The following SNX4 variants were observed in gnomAD, a reference collection of about 807,000 sequenced individuals.
SNX4 encodes the protein sorting nexin 4.
Under a neutral mutation model 70.8 loss-of-function variants are expected in SNX4, and 49 were observed. The ratio of observed to expected loss-of-function variants is 0.69; its 90% confidence interval spans 0.55 to 0.88. The LOEUF (loss-of-function observed/expected upper bound fraction) is 0.88. Ranked by LOEUF, SNX4 falls within the 40% of genes least tolerant of loss-of-function variation. The pLI, the probability that SNX4 is intolerant of heterozygous loss-of-function variation, is 0.00. For synonymous variants in SNX4, 206 were observed against 183.8 expected, an observed-to-expected ratio of 1.12 and a Z score of -0.98; for missense variants, 528 against 544.8, an observed-to-expected ratio of 0.97 and a Z score of 0.31.
In SNX4 at chr3:125,488,071, AG is replaced by A. The variant is rs1325829975; in HGVS notation, c.653+1336del. On this transcript the variant is annotated intron_variant, in intron 6 of 13. Transcript: ENST00000251775. The stretch of plus-strand genomic sequence containing the variant: ...GGGAGGCTGTGACAGGTCAATGGGG[AG>A]GGGTGTGGAGAGAAGGTATTTGGGA... Among the ~76,000 whole-genome samples, 4 of 146,004 alleles carry A rather than the reference AG, an allele frequency of 2.7e-5. No homozygotes were observed. The Admixed American group carries it at 2.8e-4, about 10-fold the overall frequency.
At chr3:125,481,279 C>T (rs550798889) in intron 6 of SNX4, among the ~76,000 whole-genome samples, 2 of 152,226 alleles carry the variant, frequency 1.3e-5, no homozygotes, top group East Asian at 3.9e-4. Flanking sequence ...TTTGGCAATG[C>T]AACAGCTGAC....
At chr3:125,457,458 G>T (rs7634403) in intron 10 of SNX4, 93 bp from the exon 11 acceptor site, 5 of 869,950 alleles carry the variant, frequency 5.7e-6, no homozygotes, top group South Asian at 1.4e-5. Flanking sequence ...ACAATGTCTC[G>T]CTAGGGCAGA....
chr3:125,505,171 T>C (rs940804687), intron 1 of SNX4, among the ~76,000 whole-genome samples: 2 of 152,198 alleles, frequency 1.3e-5, no homozygotes, highest in East Asian at 3.9e-4. Flanking sequence ...GGTTTCACCA[T>C]GTTGGCCAGG....
At chr3:125,503,900 AAGAT>A (rs149831133) in intron 2 of SNX4, among the ~76,000 whole-genome samples, 7,301 of 152,254 alleles carry the variant, frequency 0.048, 403 homozygotes, top group African/African-American at 0.13. Context: ...TACCCATTAA[AAGAT>A]AAAGACACAG....
chr3:125,456,621 T>C (rs1238432472), intron 11 of SNX4, among the ~76,000 whole-genome samples: 1 of 152,200 alleles, frequency 6.6e-6, no homozygotes, highest in Non-Finnish European at 1.5e-5. Context: ...CACTCCAGCC[T>C]GGGAAACAGA....
chr3:125,493,966 G>A (rs1283985465), intron 5 of SNX4, among the ~76,000 whole-genome samples: 1 of 151,648 alleles, frequency 6.6e-6, no homozygotes, highest in Non-Finnish European at 1.5e-5. Context: ...GAACCCGGAA[G>A]GCGGAGCTTG....
chr3:125,454,577 A>G (rs1933661900), intron 11 of SNX4, among the ~76,000 whole-genome samples: 1 of 152,200 alleles, frequency 6.6e-6, no homozygotes, highest in Non-Finnish European at 1.5e-5. Flanking sequence ...GTTACATGCA[A>G]ATACTACACC....
At chr3:125,451,046 A>G (rs1933558350) in intron 13 of SNX4, among the ~76,000 whole-genome samples, 1 of 152,178 alleles carries the variant, frequency 6.6e-6, no homozygotes, top group Non-Finnish European at 1.5e-5. Context: ...CAGGAGGACT[A>G]TATGAGGCCA....
At chr3:125,505,771 T>C (rs902352502) in intron 1 of SNX4, among the ~76,000 whole-genome samples, 1 of 152,208 alleles carries the variant, frequency 6.6e-6, no homozygotes, top group Non-Finnish European at 1.5e-5. Context: ...CATTTTTCTT[T>C]TGACCCCCTT....
chr3:125,509,544 G>T (rs1009152604), intron 1 of SNX4, among the ~76,000 whole-genome samples: 12 of 151,980 alleles, frequency 7.9e-5, no homozygotes, highest in African/African-American at 2.7e-4. Context: ...CTGAGGTCAG[G>T]AGTTCAAGGC....
chr3:125,519,945 C>G (rs1404575175), intron 1 of SNX4, 87 bp downstream of exon 1: 2 of 1,064,226 alleles, frequency 1.9e-6, no homozygotes, highest in East Asian at 7.6e-5. Context: ...ACTGGCCCGG[C>G]CCGGCCCAGC....
intron 5 of SNX4, among the ~76,000 whole-genome samples, chr3:125,493,615 C>T (rs1306678569): frequency 1.4e-5 from 2 of 146,200 alleles, no homozygotes; most frequent in African/African-American, 5.1e-5. Flanking sequence ...GATCACACCA[C>T]GGCACTCCAG....
rs1246493235 is a variant in SNX4 at position 125,520,161 on chromosome 3, T to C, written c.12A>G (p.Ala4=). ...GGAGCTGCCGCTCGGGGTCCGGAGG[T>C]GCCTGCTCCATGGCTGCAGTTCGGC... The part of the protein sequence containing the change: MEQ[A]PPDPERQLQP... Residue 4 remains alanine (A), a synonymous_variant, in exon 1 of 14, where the codon GCA becomes GCG. Coordinates refer to ENST00000251775, the MANE Select transcript of SNX4 (RefSeq NM_003794.4). 2.8e-5 allele frequency: 37 copies of C among 1,319,244 alleles called. No individual in the cohort carries two copies. Among genetic ancestry groups the C allele is most frequent in the South Asian group, 4.9e-5 (3 of 61,148 alleles). 81.7% of individuals were successfully genotyped at this position (1,319,244 alleles called of 1,614,324 possible).
chr3:125,460,246 C>T (rs1933843160), intron 10 of SNX4, among the ~76,000 whole-genome samples: 1 of 151,232 alleles, frequency 6.6e-6, no homozygotes, highest in Non-Finnish European at 1.5e-5. Context: ...CAAAAGCCAC[C>T]TATTCTGGGA....
chr3:125,452,774 C>T (rs544473037), intron 12 of SNX4, among the ~76,000 whole-genome samples: 17 of 152,126 alleles, frequency 1.1e-4, no homozygotes, highest in African/African-American at 2.4e-4. Context: ...CCTGCCACCG[C>T]GCTCGGCTAA....
At chr3:125,485,623 G>T (rs114548116) in intron 6 of SNX4, among the ~76,000 whole-genome samples, 1 of 151,962 alleles carries the variant, frequency 6.6e-6, no homozygotes, top group Admixed American at 6.6e-5. Context: ...ATTTGCATAC[G>T]GCTGTAGTTT....
intron 6 of SNX4, among the ~76,000 whole-genome samples, chr3:125,480,743 T>C (rs1266765301): frequency 6.6e-6 from 1 of 152,156 alleles, no homozygotes; most frequent in East Asian, 1.9e-4. Flanking sequence ...ACCAAAAACT[T>C]CTGATGCACC....
At position 125,520,202 on chromosome 3, in the gene SNX4, C is replaced by G. The variant is rs1935380551; in HGVS notation, c.-30G>C. 3.0e-6 allele frequency: 4 copies of G among 1,328,462 alleles called. No homozygotes were observed. In the East Asian group the frequency reaches 1.3e-4, roughly 42 times the overall value. 82.3% of individuals were successfully genotyped at this position (1,328,462 alleles called of 1,614,324 possible). A position where few individuals can be genotyped will look rare whatever the true frequency, so the allele number is the denominator to read the frequency against. ...GCAGTTCGGCGCGGCGAACCCAGTGCGCCTGCGCCGCCGCCGCGCCCGCGG... is the reference window on the plus strand; with the variant it reads ...GCAGTTCGGCGCGGCGAACCCAGTGGGCCTGCGCCGCCGCCGCGCCCGCGG... On this transcript the variant is annotated 5_prime_UTR_variant, in exon 1 of 14. Coordinates refer to ENST00000251775, the MANE Select transcript of SNX4 (RefSeq NM_003794.4).
At chr3:125,504,277 G>A (rs1212503489) in intron 2 of SNX4, among the ~76,000 whole-genome samples, 2 of 149,716 alleles carry the variant, frequency 1.3e-5, no homozygotes, top group Non-Finnish European at 2.9e-5. Flanking sequence ...AGATTGCAGT[G>A]AGCCAAGATC....
Sources: allele counts gnomAD v4.1 joint callset (sites outside exome capture counted in the v4.1 genomes callset), GRCh38; gene constraint gnomAD v4.1.1; transcripts MANE v1.5; gene names NCBI Gene and HGNC (gene_info 2026-07-23, HGNC 2026-07-21).